TIMM44: variants seen among roughly 807,000 people sequenced by gnomAD.
TIMM44 encodes the protein mitochondrial import inner membrane translocase subunit TIM44.
In TIMM44, 37 loss-of-function variants were observed where a neutral mutation model predicts 63.8. The observed-to-expected ratio is 0.58, with a 90% CI of 0.45 to 0.76. TIMM44 has a LOEUF of 0.76. Ranked by LOEUF, TIMM44 falls within the 30% of genes least tolerant of loss-of-function variation. The pLI, the probability that TIMM44 is intolerant of heterozygous loss-of-function variation, is 0.00. For synonymous variants in TIMM44, 239 were observed against 245.1 expected (o/e 0.98, Z 0.23); for missense variants, 573 against 603.8 (o/e 0.95, Z 0.54).
At chr19:7,937,268 CATAAAATAAA>C (rs113949042) in intron 3 of TIMM44, among the ~76,000 whole-genome samples, 50 of 152,230 alleles carry the variant, frequency 3.3e-4, no homozygotes, top group African/African-American at 1.1e-3. Context: ...GACTCCATCT[CATAAAATAAA>C]ATAAAATAAA....
intron 1 of TIMM44, among the ~76,000 whole-genome samples, chr19:7,942,290 G>C (rs1984331526): frequency 6.6e-6 from 1 of 152,176 alleles, no homozygotes; most frequent in Non-Finnish European, 1.5e-5. Flanking sequence ...CCGAGATCTT[G>C]CCTTAAGTTC....
chr19:7,930,513 C>T (rs1177559809), intron 10 of TIMM44, among the ~76,000 whole-genome samples: 2 of 151,866 alleles, frequency 1.3e-5, no homozygotes, highest in Non-Finnish European at 2.9e-5. Flanking sequence ...CACCATGTTG[C>T]CCAGGCTGGT....
intron 8 of TIMM44, 22 bp downstream of exon 8, chr19:7,932,818 G>A: frequency 6.2e-7 from 1 of 1,614,166 alleles, no homozygotes; most frequent in Non-Finnish European, 8.5e-7. Context: ...CAGCCTGCGA[G>A]GTCCAGGGAT....
chr19:7,936,188 T>C (rs886400355), intron 3 of TIMM44, among the ~76,000 whole-genome samples: 8 of 151,672 alleles, frequency 5.3e-5, no homozygotes, highest in African/African-American at 1.9e-4. Context: ...CGGTGGCTCA[T>C]GCCTGTAATC....
chr19:7,942,361 G>T (rs773387647), intron 1 of TIMM44, among the ~76,000 whole-genome samples: 1 of 152,032 alleles, frequency 6.6e-6, no homozygotes, highest in Non-Finnish European at 1.5e-5. Flanking sequence ...AGGCTGAGGC[G>T]GAAGGATCGT....
At chr19:7,932,421 G>A (rs192169933) in intron 9 of TIMM44, 13 of 638,048 alleles carry the variant, frequency 2.0e-5, no homozygotes, top group Non-Finnish European at 2.7e-5. Flanking sequence ...GGAGGTACCG[G>A]AGGTGCCGGT....
Position 7,928,030 on chromosome 19 carries a change from G to A in TIMM44, c.1128+47C>T, listed in dbSNP as rs199532231. On this transcript the variant is annotated intron_variant, in intron 11 of 12. Transcript: ENST00000270538. ...CCTCCTGGGCCTTGTCTGGGCCATA[G>A]TTCCCACCCCCGATGGTGGCCCGGG... The A allele has an allele frequency of 1.2e-5, 19 of 1,564,646 alleles. No homozygotes were observed. In the East Asian group the frequency reaches 4.1e-4, roughly 34 times the overall value.
chr19:7,932,351 G>A (rs987210751), intron 9 of TIMM44: 3 of 513,928 alleles, frequency 5.8e-6, no homozygotes, highest in African/African-American at 3.8e-5. Flanking sequence ...TCCAGCAGCT[G>A]CTCCCAGCAA....
Position 7,932,529 on chromosome 19 carries a change from A to C in TIMM44, c.987+98T>G, listed in dbSNP as rs921453726. On this transcript the variant is annotated intron_variant, in intron 9 of 12. Transcript: ENST00000270538. ...CTCCTCAGAAAACAGCCTCGGCAGCAGAGTTCCCTGGCAGCACCCAGGGTG... is the reference window on the plus strand; with the variant it reads ...CTCCTCAGAAAACAGCCTCGGCAGCCGAGTTCCCTGGCAGCACCCAGGGTG... The C allele has an allele frequency of 2.0e-6, 3 of 1,538,256 alleles. No homozygotes were observed. The African/African-American group carries it at 4.1e-5, about 21-fold the overall frequency.
chr19:7,927,497 G>C (rs759247725), intron 12 of TIMM44, 160 bp downstream of exon 12: 1 of 1,020,456 alleles, frequency 9.8e-7, no homozygotes, highest in Non-Finnish European at 1.5e-6. Flanking sequence ...GCTGGTCTCC[G>C]ACCTCCCTCA....
rs1433062970 is a variant in TIMM44, at chr19:7,933,626, C to T, written c.684-56G>A. 6 of 1,506,704 alleles carry T rather than the reference C, an allele frequency of 4.0e-6. No individual in the cohort carries two copies. The African/African-American group carries it at 6.9e-5, about 17-fold the overall frequency. The allele number at this position is 1,506,704 out of a possible 1,614,324, so 93.3% of individuals were successfully genotyped here. A position where few individuals can be genotyped will look rare whatever the true frequency, so the allele number is the denominator to read the frequency against. On this transcript the variant is annotated intron_variant, in intron 6 of 12. Transcript: ENST00000270538. The surrounding 1 kb of genome is among the most constrained non-coding windows in gnomAD (Gnocchi z 4.3). Reference sequence around the variant, plus strand: ...GGCGGCGCCAGGGCCACCCTGTGCCCTCCTGCGGCTGCAGGCAGGGGGCAG... The same window carrying T: ...GGCGGCGCCAGGGCCACCCTGTGCCTTCCTGCGGCTGCAGGCAGGGGGCAG...
rs1984368814 is a variant in TIMM44, at chr19:7,943,588, G to T, written c.45+19C>A. 6.4e-7 allele frequency: 1 copy of T among 1,563,154 alleles called. No homozygotes were observed. Among genetic ancestry groups the T allele is most frequent in the African/African-American group, 1.4e-5 (1 of 73,758 alleles). On this transcript the variant is annotated intron_variant, in intron 1 of 12. Transcript: ENST00000270538. The surrounding 1 kb of genome is among the most constrained non-coding windows in gnomAD (Gnocchi z 4.3). ...GAAGACCCCTAAGCTCGCCCTGCCA[G>T]CGCCGCACCGCCGCTCACCCGTGGA...
At chr19:7,927,424 C>T (rs1023603584) in intron 12 of TIMM44, 118 bp from the exon 13 acceptor site, 32 of 1,294,418 alleles carry the variant, frequency 2.5e-5, no homozygotes, top group East Asian at 1.9e-4. Context: ...GGGCTGGGAG[C>T]AGAGGCCAGC....
chr19:7,932,578 G>A, intron 9 of TIMM44, 49 bp downstream of exon 9: 1 of 1,601,824 alleles, frequency 6.2e-7, no homozygotes, highest in Non-Finnish European at 8.5e-7. Flanking sequence ...GGGAGGTGGT[G>A]GAGCCAGGAC....
intron 2 of TIMM44, among the ~76,000 whole-genome samples, chr19:7,939,530 T>C (rs924454187): frequency 7.3e-5 from 11 of 151,378 alleles, no homozygotes; most frequent in African/African-American, 2.2e-4. Flanking sequence ...GGAGAATCAC[T>C]TGAACCCAGG....
intron 3 of TIMM44, 135 bp from the exon 4 acceptor site, chr19:7,935,280 C>A: frequency 1.3e-6 from 1 of 795,460 alleles, no homozygotes; most frequent in Non-Finnish European, 2.1e-6. Context: ...ATTTTCCTGC[C>A]CCAGCCTCCC....
At chr19:7,935,564 C>T (rs556717636) in intron 3 of TIMM44, among the ~76,000 whole-genome samples, 37 of 152,344 alleles carry the variant, frequency 2.4e-4, no homozygotes, top group Admixed American at 2.0e-4. Context: ...CCTCCCTCCC[C>T]GCACCTGCCA....
intron 3 of TIMM44, among the ~76,000 whole-genome samples, chr19:7,937,114 C>T (rs67733887): frequency 1.3e-5 from 2 of 151,004 alleles, no homozygotes; most frequent in South Asian, 4.2e-4. Context: ...AAAACAACAA[C>T]AACAACAACA....
At chr19:7,929,136 G>T (rs530268668) in intron 10 of TIMM44, among the ~76,000 whole-genome samples, 1 of 152,070 alleles carries the variant, frequency 6.6e-6, no homozygotes, top group African/African-American at 2.4e-5. Context: ...CACACAGGTC[G>T]GGGAGCGAAT....
Sources: gnomAD v4.1 joint callset for allele counts (sites outside exome capture counted in the v4.1 genomes callset) on GRCh38, gnomAD v4.1.1 for gene constraint, Gnocchi (gnomAD v3.1) non-coding constraint, MANE v1.5 for transcripts, NCBI Gene and HGNC (gene_info 2026-07-23, HGNC 2026-07-21) for gene names.